KCNK2: variants seen among roughly 807,000 people sequenced by gnomAD.
KCNK2 encodes potassium two pore domain channel subfamily K member 2, also known as potassium channel subfamily K member 2.
Under a neutral mutation model 40.5 loss-of-function variants are expected in KCNK2, and 21 were observed. The observed-to-expected ratio is 0.52, with a 90% CI of 0.37 to 0.75. KCNK2 has a LOEUF of 0.75. KCNK2 is among the 30% of genes least tolerant of loss of function. The pLI is 0.00. For missense variants in KCNK2, 399 were observed against 531.6 expected (o/e 0.75, Z 2.45); for synonymous variants, 191 against 202.2 (o/e 0.94, Z 0.47).
At chr1:215,173,217 C>T (rs1260454738) in intron 5 of KCNK2, among the ~76,000 whole-genome samples, 1 of 151,988 alleles carries the variant, frequency 6.6e-6, no homozygotes, top group African/African-American at 2.4e-5. Flanking sequence ...AGAACAGGCA[C>T]TGTTTGGTTT....
Position 215,172,063 on chromosome 1 carries a change from G to A in KCNK2, c.703G>A (p.Val235Ile). 1 of 1,613,460 alleles carries A rather than the reference G, an allele frequency of 6.2e-7. No homozygotes were observed. Among genetic ancestry groups the A allele is most frequent in the Non-Finnish European group, 8.5e-7 (1 of 1,179,678 alleles). Reference sequence around the variant, plus strand: ...AATCATATTTATACTATTTGGCTGTGTACTCTTTGTGGCTCTGCCTGCGAT... The same window carrying A: ...AATCATATTTATACTATTTGGCTGTATACTCTTTGTGGCTCTGCCTGCGAT... Reference protein sequence around the residue: ...STIIFILFGCVLFVALPAIIF... With the variant: ...STIIFILFGCILFVALPAIIF... Residue 235 changes from valine to isoleucine, a missense_variant, in exon 5 of 7, where the codon GTA (valine) becomes ATA (isoleucine). Transcript: ENST00000444842.
At chr1:215,221,073 C>A (rs547628769) in intron 6 of KCNK2, among the ~76,000 whole-genome samples, 1 of 152,276 alleles carries the variant, frequency 6.6e-6, no homozygotes, top group African/African-American at 2.4e-5. Flanking sequence ...CTTTTGACTC[C>A]TTAAAAAACT....
At chr1:215,006,524 A>G (rs933826430) in intron 1 of KCNK2, among the ~76,000 whole-genome samples, 4 of 152,292 alleles carry the variant, frequency 2.6e-5, no homozygotes, top group African/African-American at 9.6e-5. Context: ...TAGTTTATTT[A>G]GCAAGTAGTT....
At chr1:215,007,039 G>T (rs374347477) in intron 1 of KCNK2, among the ~76,000 whole-genome samples, 1 of 69,694 alleles carries the variant, frequency 1.4e-5, no homozygotes, top group Admixed American at 1.4e-4. Context: ...ATATATATAT[G>T]TGTGTGTGTG....
At chr1:215,175,137 G>A (rs947729643) in intron 5 of KCNK2, among the ~76,000 whole-genome samples, 6 of 152,162 alleles carry the variant, frequency 3.9e-5, no homozygotes, top group South Asian at 2.1e-4. Context: ...TTTGAGATAC[G>A]TCCCATCAAT....
chr1:215,057,185 C>T (rs1658198105), intron 1 of KCNK2, among the ~76,000 whole-genome samples: 2 of 149,646 alleles, frequency 1.3e-5, no homozygotes, highest in South Asian at 4.5e-4. Flanking sequence ...CAATAGCAAA[C>T]CAGAGGTACA....
chr1:215,047,898 C>T (rs1648797647), intron 1 of KCNK2, among the ~76,000 whole-genome samples: 1 of 152,156 alleles, frequency 6.6e-6, no homozygotes, highest in Non-Finnish European at 1.5e-5. Context: ...TGGTGTTTCA[C>T]ACACTGTGCA....
intron 1 of KCNK2, among the ~76,000 whole-genome samples, chr1:215,044,795 ATGTGTGTGTG>A (rs150179184): frequency 6.9e-6 from 1 of 145,644 alleles, no homozygotes; most frequent in Non-Finnish European, 1.5e-5. Flanking sequence ...GGATAAGTGT[ATGTGTGTGTG>A]TGTGTGTGTG....
At chr1:215,192,373 G>T (rs1664702462) in intron 5 of KCNK2, among the ~76,000 whole-genome samples, 1 of 152,118 alleles carries the variant, frequency 6.6e-6, no homozygotes, top group South Asian at 2.1e-4. Context: ...AAAACTTGTG[G>T]GTTGAACATT....
chr1:215,044,826 T>C (rs11120473), intron 1 of KCNK2, among the ~76,000 whole-genome samples: 3,705 of 140,574 alleles, frequency 0.026, 87 homozygotes, highest in South Asian at 0.084. Context: ...TGTGTGTGTG[T>C]GCGCGCGCAC....
chr1:215,131,809 G>A (rs759372148), intron 3 of KCNK2, among the ~76,000 whole-genome samples: 3 of 152,012 alleles, frequency 2.0e-5, no homozygotes, highest in Middle Eastern at 6.8e-3. Flanking sequence ...TTCTATCACC[G>A]GAGTGTAGAG....
At chr1:215,007,227 A>AT (rs1337347831) in intron 1 of KCNK2, among the ~76,000 whole-genome samples, 4 of 95,772 alleles carry the variant, frequency 4.2e-5, no homozygotes, top group African/African-American at 1.6e-4. Context: ...ATATATATAT[A>AT]GGCTCATTTC....
intron 2 of KCNK2, among the ~76,000 whole-genome samples, chr1:215,107,530 A>G (rs541232980): frequency 4.6e-5 from 7 of 151,994 alleles, no homozygotes; most frequent in Non-Finnish European, 8.8e-5. Context: ...TGTTGTTTTG[A>G]TGATGCCATC....
At position 215,235,057 on chromosome 1, in the gene KCNK2, C is replaced by G; in HGVS notation, c.1193C>G (p.Pro398Arg). ...HLTSERDVLP[P>R]LLKTESIYLN... ...ACCAGCGAGAGGGATGTCTTGCCTCCCTTACTGAAGACTGAGAGTATCTAT... is the reference window on the plus strand; with the variant it reads ...ACCAGCGAGAGGGATGTCTTGCCTCGCTTACTGAAGACTGAGAGTATCTAT... Residue 398 changes from proline to arginine, a missense_variant, in exon 7 of 7, where the codon CCC (proline) becomes CGC (arginine). By Grantham distance (103) the Pro-to-Arg change is moderately radical (BLOSUM62 -2). Coordinates refer to ENST00000444842, the MANE Select transcript of KCNK2 (RefSeq NM_001017425.3). 6.2e-7 allele frequency: 1 copy of G among 1,613,894 alleles called. No individual in the cohort carries two copies. Among genetic ancestry groups the G allele is most frequent in the Middle Eastern group, 1.7e-4 (1 of 6,060 alleles).
At chr1:215,209,520 AAT>A (rs1430198095) in intron 6 of KCNK2, among the ~76,000 whole-genome samples, 5 of 3,652 alleles carry the variant, frequency 1.4e-3, no homozygotes, top group Non-Finnish European at 1.4e-3. Context: ...TATAAAATAT[AAT>A]ATATATATTA....
At chr1:215,232,082 A>G (rs1666689331) in intron 6 of KCNK2, among the ~76,000 whole-genome samples, 1 of 152,152 alleles carries the variant, frequency 6.6e-6, no homozygotes, top group African/African-American at 2.4e-5. Flanking sequence ...ATGCCTTTCG[A>G]CCCAGTGTTT....
intron 3 of KCNK2, among the ~76,000 whole-genome samples, chr1:215,159,869 C>T (rs1352263492): frequency 6.6e-6 from 1 of 152,080 alleles, no homozygotes; most frequent in African/African-American, 2.4e-5. Context: ...ATCATATATA[C>T]CCAGATGTGA....
chr1:215,136,806 G>T (rs1310576801), intron 3 of KCNK2, among the ~76,000 whole-genome samples: 1 of 152,144 alleles, frequency 6.6e-6, no homozygotes, highest in African/African-American at 2.4e-5. Flanking sequence ...CTCAAGTGAA[G>T]CAGGATATCT....
At chr1:215,153,577 TATA>T (rs1296950185) in intron 3 of KCNK2, among the ~76,000 whole-genome samples, 28 of 149,528 alleles carry the variant, frequency 1.9e-4, no homozygotes, top group East Asian at 3.9e-4. Context: ...TATATATATA[TATA>T]TTTTTTTTTC....
Sources: gnomAD v4.1 joint callset for allele counts (sites outside exome capture counted in the v4.1 genomes callset) on GRCh38, gnomAD v4.1.1 for gene constraint, MANE v1.5 for transcripts, NCBI Gene and HGNC (gene_info 2026-07-23, HGNC 2026-07-21) for gene names.